The following PAX2 variants were observed in gnomAD, a reference collection of about 807,000 sequenced individuals.
PAX2 encodes paired box protein Pax-2.
In PAX2, 9 loss-of-function variants were observed where a neutral mutation model predicts 41.7. That is an observed-to-expected ratio of 0.22 (90% CI 0.13 to 0.38). The LOEUF (loss-of-function observed/expected upper bound fraction) is 0.38, where lower values mean the gene tolerates loss of function less well. PAX2 is among the 10% of genes least tolerant of loss of function. The pLI, the probability that PAX2 is intolerant of heterozygous loss-of-function variation, is 1.00. For missense variants in PAX2, 418 were observed against 531.6 expected (o/e 0.79, Z 2.10); for synonymous variants, 221 against 212.7 (o/e 1.04, Z -0.34).
At position 100,824,945 on chromosome 10, in the gene PAX2, G is replaced by A. The variant is rs1444349007; in HGVS notation, c.1021+196G>A. 6.2e-7 allele frequency: 1 copy of A among 1,614,098 alleles called. No homozygotes were observed. Among genetic ancestry groups the A allele is most frequent in the African/African-American group, 1.3e-5 (1 of 75,030 alleles). ...CATCCTCCCTCATGAGCAAGCCGGG[G>A]AGGAAGCTTGCAGAAGTGCCCCCTT... On this transcript the variant is annotated intron_variant, in intron 8 of 9. Coordinates refer to ENST00000355243, the MANE Select transcript of PAX2 (RefSeq NM_000278.5). This position sits in a 1 kb window ranked among gnomAD's most constrained non-coding sequence, Gnocchi z 6.6.
At chr10:100,812,923 AG>A (rs1848047560) in intron 7 of PAX2, among the ~76,000 whole-genome samples, 1 of 152,238 alleles carries the variant, frequency 6.6e-6, no homozygotes, top group Non-Finnish European at 1.5e-5. Flanking sequence ...TCTCTAGAAA[AG>A]GGTTGGCCAA....
chr10:100,804,937 C>T (rs1046901715), intron 5 of PAX2, among the ~76,000 whole-genome samples: 5 of 151,728 alleles, frequency 3.3e-5, no homozygotes, highest in African/African-American at 1.2e-4. Context: ...TGGTCCTGGT[C>T]TTGATCTCTG....
intron 5 of PAX2, among the ~76,000 whole-genome samples, chr10:100,783,180 G>T (rs1846703146): frequency 6.6e-6 from 1 of 152,248 alleles, no homozygotes; most frequent in Non-Finnish European, 1.5e-5. Flanking sequence ...CGCCTTCATT[G>T]TTTCTAATCA....
At chr10:100,754,890 G>T (rs1220837707) in intron 3 of PAX2, among the ~76,000 whole-genome samples, 1 of 152,144 alleles carries the variant, frequency 6.6e-6, no homozygotes, top group Admixed American at 6.5e-5. Flanking sequence ...TGGTGGTCAG[G>T]GCTGTTGGTC....
rs530311383 is a variant in PAX2, at chr10:100,749,147, A to C, written c.44-599A>C. On this transcript the variant is annotated intron_variant, in intron 1 of 9. Coordinates refer to ENST00000355243, the MANE Select transcript of PAX2 (RefSeq NM_000278.5). ...TCCCATCAAAAACAAACAACACAGG[A>C]AAGAGGTAGAAAAATTCCGATTACA... 7.1e-6 allele frequency: 7 copies of C among 985,722 alleles called. No homozygotes were observed. In the African/African-American group the frequency reaches 1.2e-4, roughly 17 times the overall value. 61.1% of individuals were successfully genotyped at this position (985,722 alleles called of 1,614,324 possible). A position where few individuals can be genotyped will look rare whatever the true frequency, so the allele number is the denominator to read the frequency against.
Position 100,735,726 on chromosome 10 carries a change from T to C in PAX2, c.18T>C (p.Gly6=), listed in dbSNP as rs949083469. The change falls in exon 1 of 10, where the codon GGT becomes GGC. Residue 6 remains glycine (G), a synonymous_variant. Transcript: ENST00000679374. ...AGCCTAGCATGGAAGAGCGCGCGGGTCCGGCAGGTAAGAGCGGCAGAGACC... is the reference window on the plus strand; with the variant it reads ...AGCCTAGCATGGAAGAGCGCGCGGGCCCGGCAGGTAAGAGCGGCAGAGACC... 3 of 1,044,158 alleles carry C rather than the reference T, an allele frequency of 2.9e-6. No individual in the cohort carries two copies. The African/African-American group carries it at 5.0e-5, about 18-fold the overall frequency. The allele number at this position is 1,044,158 out of a possible 1,614,324, so 64.7% of individuals were successfully genotyped here.
chr10:100,818,693 G>A (rs763423005), intron 7 of PAX2, among the ~76,000 whole-genome samples: 2 of 152,174 alleles, frequency 1.3e-5, no homozygotes, highest in Non-Finnish European at 2.9e-5. Flanking sequence ...CTGTAAAAAA[G>A]TGGAAGAAAC....
intron 7 of PAX2, among the ~76,000 whole-genome samples, chr10:100,809,638 T>A (rs1370863977): frequency 1.3e-5 from 2 of 152,128 alleles, no homozygotes; most frequent in African/African-American, 2.4e-5. Flanking sequence ...CACACTTGGG[T>A]CTCCAAGGCT....
chr10:100,763,559 G>A (rs1564714082), intron 3 of PAX2, among the ~76,000 whole-genome samples: 1 of 152,172 alleles, frequency 6.6e-6, no homozygotes, highest in Non-Finnish European at 1.5e-5. Context: ...CTGGTGAGAG[G>A]TTTCCTTCCC....
At chr10:100,793,539 C>A (rs1441469756) in intron 5 of PAX2, among the ~76,000 whole-genome samples, 1 of 152,194 alleles carries the variant, frequency 6.6e-6, no homozygotes, top group Admixed American at 6.5e-5. Context: ...CCACAGGTAA[C>A]CTGGGGGCTC....
In PAX2 at chr10:100,828,439, C is replaced by G; in HGVS notation, c.*820C>G. 4.3e-6 allele frequency: 1 copy of G among 234,716 alleles called. No individual in the cohort carries two copies. Among genetic ancestry groups the G allele is most frequent in the Non-Finnish European group, 8.4e-6 (1 of 119,186 alleles). 14.5% of individuals were successfully genotyped at this position (234,716 alleles called of 1,614,324 possible). On this transcript the variant is annotated 3_prime_UTR_variant, in exon 10 of 10. Transcript: ENST00000355243. The surrounding 1 kb of genome is among the most constrained non-coding windows in gnomAD (Gnocchi z 6.5). ...ACCCGGCTCTCAGCCCTGCCTTGCC[C>G]CTACCTCAGCGTCTCTTCCACCTGC... is the stretch of plus-strand genomic sequence containing the variant.
intron 5 of PAX2, among the ~76,000 whole-genome samples, chr10:100,802,309 C>T (rs573271233): frequency 6.6e-6 from 1 of 152,330 alleles, no homozygotes; most frequent in South Asian, 2.1e-4. Context: ...TCTCCAGGCC[C>T]CAGTCTTAAG....
At chr10:100,753,045 G>A (rs1845497658) in intron 3 of PAX2, among the ~76,000 whole-genome samples, 1 of 152,302 alleles carries the variant, frequency 6.6e-6, no homozygotes, top group South Asian at 2.1e-4. Flanking sequence ...TCACCTGAGG[G>A]GCACACAGGC....
intron 3 of PAX2, among the ~76,000 whole-genome samples, chr10:100,778,573 G>A (rs183453397): frequency 2.6e-5 from 4 of 152,302 alleles, no homozygotes; most frequent in East Asian, 1.9e-4. Context: ...GACAAGGAAC[G>A]CTATCAGAAA....
intron 7 of PAX2, among the ~76,000 whole-genome samples, chr10:100,813,729 G>A (rs532119922): frequency 6.6e-6 from 1 of 152,290 alleles, no homozygotes; most frequent in East Asian, 1.9e-4. Flanking sequence ...CCATGAGTAT[G>A]TTGCAGGAAA....
chr10:100,742,701 TTTGAA>T (rs1237729293), upstream of PAX2, among the ~76,000 whole-genome samples: 6 of 152,028 alleles, frequency 3.9e-5, no homozygotes, highest in African/African-American at 1.4e-4. Flanking sequence ...GAAGGGCCGC[TTTGAA>T]AACACCAGAG....
chr10:100,751,541 C>T (rs1845442650), intron 3 of PAX2, among the ~76,000 whole-genome samples: 1 of 152,222 alleles, frequency 6.6e-6, no homozygotes, highest in South Asian at 2.1e-4. Flanking sequence ...GTGATACCCT[C>T]AACCACCTAA....
At chr10:100,797,428 T>TA (rs1847378013) in intron 5 of PAX2, among the ~76,000 whole-genome samples, 1 of 152,236 alleles carries the variant, frequency 6.6e-6, no homozygotes, top group South Asian at 2.1e-4. Flanking sequence ...GAAAGTTCCT[T>TA]AATCTCTGCA....
At chr10:100,801,750 G>A (rs992390108) in intron 5 of PAX2, among the ~76,000 whole-genome samples, 8 of 152,260 alleles carry the variant, frequency 5.3e-5, no homozygotes, top group African/African-American at 1.9e-4. Context: ...GCTGTGCCCT[G>A]GATGGAGCCA....
Sources: allele counts gnomAD v4.1 joint callset (sites outside exome capture counted in the v4.1 genomes callset), GRCh38; gene constraint gnomAD v4.1.1; non-coding constraint Gnocchi (gnomAD v3.1); transcripts MANE v1.5; gene names NCBI Gene and HGNC (gene_info 2026-07-23, HGNC 2026-07-21).